The following RHCE variants were observed in gnomAD, a reference collection of about 807,000 sequenced individuals.
RHCE encodes blood group Rh(CE) polypeptide.
In RHCE, 22 loss-of-function variants were observed where a neutral mutation model predicts 43.8. The ratio of observed to expected loss-of-function variants is 0.50; its 90% CI spans 0.36 to 0.72. RHCE has a LOEUF of 0.72. Ranked by LOEUF, RHCE falls within the 30% of genes least tolerant of loss-of-function variation. The pLI, the probability that RHCE is intolerant of heterozygous loss-of-function variation, is 0.00. For missense variants in RHCE, 385 were observed against 525.4 expected, an observed-to-expected ratio of 0.73 and a Z score of 2.61; for synonymous variants, 156 against 210.7, an observed-to-expected ratio of 0.74 and a Z score of 2.25.
At chr1:25,425,203 T>C (rs1448113439), upstream of RHCE, among the ~76,000 whole-genome samples, 2 of 152,214 alleles carry the variant, frequency 1.3e-5, no homozygotes, top group Admixed American at 1.3e-4. Flanking sequence ...TGCTGTTGTA[T>C]CCTCAGCACC....
At chr1:25,427,071 T>A (rs1451795259) in intron 2 of RHCE, among the ~76,000 whole-genome samples, 81 of 146,994 alleles carry the variant, frequency 5.5e-4, no homozygotes, top group Non-Finnish European at 9.1e-4. Context: ...AAAAAAAAAA[T>A]AGGTTTCTCT....
chr1:25,423,627 T>C (rs555515401), upstream of RHCE, among the ~76,000 whole-genome samples: 36 of 152,288 alleles, frequency 2.4e-4, no homozygotes, highest in Admixed American at 2.4e-3. Flanking sequence ...AAAGCAGAGT[T>C]TTTGCTCTTC....
At chr1:25,409,814 G>T (rs939184915) in intron 1 of RHCE, among the ~76,000 whole-genome samples, 1 of 151,360 alleles carries the variant, frequency 6.6e-6, no homozygotes, top group Non-Finnish European at 1.5e-5. Flanking sequence ...TGACATGGGT[G>T]CTGTTACTGT....
In RHCE at chr1:25,395,522, T is replaced by A. The variant is rs1172031046; in HGVS notation, c.487-3381A>T. The stretch of plus-strand genomic sequence containing the variant: ...ACTTCCTGCCCTTGGAGGTTCTTTT[T>A]GTTTGTTTGTTTTTTAAAACTGTCC... On this transcript the variant is annotated intron_variant, in intron 3 of 9. Transcript: ENST00000294413. 2.0e-5 allele frequency among the ~76,000 whole-genome samples: 3 copies of A among 152,268 alleles called. No individual in the cohort carries two copies. In the East Asian group the frequency reaches 5.8e-4, roughly 29 times the overall value.
intron 6 of RHCE, among the ~76,000 whole-genome samples, chr1:25,386,837 AACAAAAC>A (rs1646182206): frequency 7.4e-6 from 1 of 135,182 alleles, no homozygotes; most frequent in Non-Finnish European, 1.6e-5. Flanking sequence ...CAACAACAAC[AACAAAAC>A]ACACACACAC....
At chr1:25,414,339 A>G (rs1240284874) in intron 1 of RHCE, among the ~76,000 whole-genome samples, 4 of 152,076 alleles carry the variant, frequency 2.6e-5, no homozygotes, top group Non-Finnish European at 4.4e-5. Context: ...TTCAGCACCA[A>G]GAGCTCTGAA....
exon 1 of RHCE, chr1:25,430,028 G>C (rs1455360975): frequency 6.6e-6 from 1 of 151,900 alleles, no homozygotes; most frequent in Non-Finnish European, 1.5e-5. Flanking sequence ...GCAGGAGCCC[G>C]GACCCGCCGA....
chr1:25,392,820 C>T (rs1042261945), intron 3 of RHCE, among the ~76,000 whole-genome samples: 3 of 151,994 alleles, frequency 2.0e-5, no homozygotes, highest in African/African-American at 4.8e-5. Context: ...ATCCTTCCCT[C>T]CCAAAGTGCT....
intron 6 of RHCE, among the ~76,000 whole-genome samples, chr1:25,387,691 T>C (rs1015542384): frequency 6.6e-6 from 1 of 152,234 alleles, no homozygotes; most frequent in Non-Finnish European, 1.5e-5. Context: ...TTTTGGTCAA[T>C]CGAAGTATTG....
intron 7 of RHCE, among the ~76,000 whole-genome samples, chr1:25,384,736 C>T (rs1646099271): frequency 6.6e-6 from 1 of 152,210 alleles, no homozygotes; most frequent in Non-Finnish European, 1.5e-5. Context: ...CGTCCAAACA[C>T]ATCAGCTCCT....
upstream of RHCE, among the ~76,000 whole-genome samples, chr1:25,421,133 C>A (rs2124553429): frequency 6.6e-6 from 1 of 152,294 alleles, no homozygotes; most frequent in South Asian, 2.1e-4. Flanking sequence ...TTCAGCATAT[C>A]CTTGTAAGAA....
intron 1 of RHCE, among the ~76,000 whole-genome samples, chr1:25,420,101 G>C (rs1045219165): frequency 6.6e-6 from 1 of 151,658 alleles, no homozygotes; most frequent in African/African-American, 2.4e-5. Flanking sequence ...AAGATTGCTT[G>C]AGACTAGGAG....
intron 4 of RHCE, among the ~76,000 whole-genome samples, chr1:25,391,350 G>A (rs607116): frequency 0.6 from 91,366 of 151,690 alleles, 29,265 homozygotes; most frequent in African/African-American, 0.82. Flanking sequence ...ATGCCCAGCT[G>A]ATTTGTTTGT....
chr1:25,415,776 G>A (rs1647363486), intron 1 of RHCE, among the ~76,000 whole-genome samples: 3 of 151,490 alleles, frequency 2.0e-5, no homozygotes, highest in Admixed American at 2.0e-4. Flanking sequence ...GAGGCAGAAA[G>A]AGGTTGACTA....
At chr1:25,389,704 T>A (rs928004659) in intron 5 of RHCE, among the ~76,000 whole-genome samples, 1 of 152,106 alleles carries the variant, frequency 6.6e-6, no homozygotes, top group Non-Finnish European at 1.5e-5. Flanking sequence ...ACATAAATCA[T>A]TGTTATTGTT....
chr1:25,379,483 ATATATATATATATTTTTTTT>A (rs1191923140), intron 7 of RHCE, among the ~76,000 whole-genome samples: 73 of 19,372 alleles, frequency 3.8e-3, no homozygotes, highest in East Asian at 0.029. Flanking sequence ...ATATATATAT[ATATATATATATATTTTTTTT>A]TTTTTTTTTT....
intron 2 of RHCE, among the ~76,000 whole-genome samples, chr1:25,405,081 C>T (rs1260450233): frequency 6.7e-6 from 1 of 150,114 alleles, no homozygotes; most frequent in Non-Finnish European, 1.5e-5. Context: ...TGCCTGTGGT[C>T]TCAGCTACTC....
chr1:25,401,866 TC>T (rs1646754870), intron 3 of RHCE, among the ~76,000 whole-genome samples: 1 of 152,084 alleles, frequency 6.6e-6, no homozygotes, highest in African/African-American at 2.4e-5. Context: ...ATCAATCTTT[TC>T]TTTTCTTTTT....
In RHCE at chr1:25,389,107, C is replaced by T; in HGVS notation, c.808G>A (p.Val270Met). ...HPQRKISMTY[V>M]HSAVLAGGVA... ...CCTCCTGCCAACACCGCACTGTGCA[C>T]ATAAGTCTGCAAAGAAATAGCGTGT... Residue 270 changes from valine (V) to methionine (M), a missense_variant, in exon 6 of 10, where the codon GTG (valine) becomes ATG (methionine). By Grantham distance (21) the Val-to-Met change is conservative (BLOSUM62 1). Transcript: ENST00000294413. 1 of 1,614,006 alleles carries T rather than the reference C, an allele frequency of 6.2e-7. No individual in the cohort carries two copies. The highest frequency in any genetic ancestry group is 8.5e-7 in the Non-Finnish European group (1 of 1,179,880).
Sources: allele counts gnomAD v4.1 joint callset (sites outside exome capture counted in the v4.1 genomes callset), GRCh38; gene constraint gnomAD v4.1.1; transcripts MANE v1.5; gene names NCBI Gene and HGNC (gene_info 2026-07-23, HGNC 2026-07-21).